The following PARP8 variants were observed in gnomAD, a reference collection of about 807,000 sequenced individuals.
PARP8 encodes the protein poly(ADP-ribose) polymerase family member 8.
A neutral mutation model predicts 124.1 loss-of-function variants in PARP8; 51 were observed. The observed-to-expected ratio is 0.41, with a 90% CI of 0.33 to 0.52. The LOEUF (loss-of-function observed/expected upper bound fraction) is 0.52. Ranked by LOEUF, PARP8 falls within the 20% of genes least tolerant of loss-of-function variation. PARP8 has a pLI of 0.21. For missense variants in PARP8, 860 were observed against 1,018.9 expected (o/e 0.84, Z 2.12); for synonymous variants, 391 against 361.5 (o/e 1.08, Z -0.93).
chr5:50,770,724 CGAA>C (rs1481614155), intron 7 of PARP8, among the ~76,000 whole-genome samples: 1 of 149,994 alleles, frequency 6.7e-6, no homozygotes, highest in East Asian at 1.9e-4. Context: ...AGAAAGAAAA[CGAA>C]GGAAAGAAAG....
chr5:50,683,064 A>G (rs1751469355), intron 2 of PARP8, among the ~76,000 whole-genome samples: 2 of 152,162 alleles, frequency 1.3e-5, no homozygotes, highest in African/African-American at 4.8e-5. Flanking sequence ...ATGGTAGAGT[A>G]CAGATTAGCA....
intron 15 of PARP8, among the ~76,000 whole-genome samples, chr5:50,816,888 C>T (rs1342598322): frequency 2.7e-5 from 4 of 150,774 alleles, no homozygotes; most frequent in Non-Finnish European, 5.9e-5. Context: ...AATAATATTG[C>T]TAAAAGGAAA....
intron 23 of PARP8, among the ~76,000 whole-genome samples, chr5:50,833,138 A>G (rs1747172478): frequency 6.6e-6 from 1 of 152,172 alleles, no homozygotes; most frequent in Non-Finnish European, 1.5e-5. Flanking sequence ...TGGAGCCTAC[A>G]TCCTACTGAG....
chr5:50,751,299 C>G (rs1406475192), intron 3 of PARP8, among the ~76,000 whole-genome samples: 1 of 152,014 alleles, frequency 6.6e-6, no homozygotes, highest in Non-Finnish European at 1.5e-5. Flanking sequence ...CCTGGAAATG[C>G]CAATATACAA....
chr5:50,745,224 C>T (rs1317632443), intron 2 of PARP8, among the ~76,000 whole-genome samples: 4 of 152,214 alleles, frequency 2.6e-5, no homozygotes, highest in South Asian at 2.1e-4. Context: ...GAGGACAATA[C>T]GACCATAAAA....
At chr5:50,694,999 T>C (rs1387800235) in intron 2 of PARP8, among the ~76,000 whole-genome samples, 1 of 152,184 alleles carries the variant, frequency 6.6e-6, no homozygotes, top group Non-Finnish European at 1.5e-5. Context: ...GTCGGCTTTG[T>C]TCTAGCCGTG....
intron 2 of PARP8, chr5:50,738,925 A>G (rs1188764834): frequency 1.4e-6 from 1 of 699,570 alleles, no homozygotes; most frequent in African/African-American, 1.7e-5. Context: ...AGTTTACATC[A>G]GGGCTCTGCC....
intron 3 of PARP8, 82 bp downstream of exon 3, chr5:50,750,270 A>G: frequency 1.7e-6 from 2 of 1,166,250 alleles, no homozygotes; most frequent in Non-Finnish European, 2.5e-6. Flanking sequence ...TAAAACGCAT[A>G]TAAATATATT....
intron 3 of PARP8, among the ~76,000 whole-genome samples, chr5:50,758,878 T>C (rs1760244312): frequency 6.6e-6 from 1 of 152,186 alleles, no homozygotes; most frequent in Non-Finnish European, 1.5e-5. Flanking sequence ...AAATAGTGAA[T>C]AAGAAATTTA....
chr5:50,700,053 T>C (rs1753431615), intron 2 of PARP8, among the ~76,000 whole-genome samples: 1 of 152,144 alleles, frequency 6.6e-6, no homozygotes, highest in African/African-American at 2.4e-5. Flanking sequence ...AAAGTCCAAA[T>C]ATTAGGCATT....
In PARP8 at chr5:50,756,130, G is replaced by T. The variant is rs1029184328; in HGVS notation, c.185-3513G>T. The stretch of plus-strand genomic sequence containing the variant: ...TATACAACCATGTCATCTGCAAACA[G>T]GGACAATTTGACTTCCTCTTTTGCT... On this transcript the variant is annotated intron_variant, in intron 3 of 25. Transcript: ENST00000281631. Among the ~76,000 whole-genome samples the T allele has an allele frequency of 2.6e-5, 4 of 152,114 alleles. No individual in the cohort carries two copies. The East Asian group carries it at 5.8e-4, about 22-fold the overall frequency.
intron 2 of PARP8, among the ~76,000 whole-genome samples, chr5:50,692,848 T>C (rs1161791656): frequency 3.3e-5 from 5 of 152,164 alleles, no homozygotes; most frequent in Non-Finnish European, 7.4e-5. Flanking sequence ...AAAACAATTA[T>C]TTATGTATAA....
At chr5:50,765,693 T>A (rs573446808) in intron 7 of PARP8, among the ~76,000 whole-genome samples, 1 of 152,324 alleles carries the variant, frequency 6.6e-6, no homozygotes, top group African/African-American at 2.4e-5. Flanking sequence ...AAAATAAATA[T>A]CTTCCTAGAG....
chr5:50,669,680 A>G (rs1749777632), intron 2 of PARP8, among the ~76,000 whole-genome samples: 2 of 152,218 alleles, frequency 1.3e-5, no homozygotes. Flanking sequence ...GAGGTGGAAA[A>G]GGGAGCAAGG....
rs557049041 is a variant in PARP8, at chr5:50,744,635, C to A, written c.147-5516C>A. On this transcript the variant is annotated intron_variant, in intron 2 of 25. Transcript: ENST00000281631. ...CTGTTCATATAATATATACCAAACACATATTTGACTGACCTGAGTTTCTGG... is the reference window on the plus strand; with the variant it reads ...CTGTTCATATAATATATACCAAACAAATATTTGACTGACCTGAGTTTCTGG... 8 of 672,566 alleles carry A rather than the reference C, an allele frequency of 1.2e-5. No individual in the cohort carries two copies. In the African/African-American group the frequency reaches 1.3e-4, roughly 11 times the overall value. 41.7% of individuals were successfully genotyped at this position (672,566 alleles called of 1,614,324 possible).
intron 14 of PARP8, among the ~76,000 whole-genome samples, chr5:50,803,527 A>G (rs1458239927): frequency 4.6e-5 from 7 of 151,404 alleles, no homozygotes; most frequent in Admixed American, 4.6e-4. Flanking sequence ...TCATTTTATT[A>G]TTCTTCCTCT....
rs137894115 is a variant in PARP8 at position 50,832,845 on chromosome 5, T to C, written c.2298T>C (p.Asn766=). 3.3e-4 allele frequency: 526 copies of C among 1,613,242 alleles called. 2 individuals are homozygous for C. The African/African-American group carries it at 6.7e-3, about 21-fold the overall frequency. The change falls in exon 23 of 26, where the codon AAT becomes AAC. Residue 766 remains asparagine, a synonymous_variant. Transcript: ENST00000281631. ...DEPASSSKSS[N]TSQSQKKGQQ... ...CAGCTTCAAGCAGTAAAAGCAGCAA[T>C]ACATCACAGGTGTTGTAGTGACTTT...
At position 50,745,886 on chromosome 5, in the gene PARP8, T is replaced by C. The variant is rs373615064; in HGVS notation, c.147-4265T>C. Reference sequence around the variant, plus strand: ...AATTCATATGGGGTCATAGTGTACATTTCCCCCCAGCTTGTTTTGGGGCAC... The same window carrying C: ...AATTCATATGGGGTCATAGTGTACACTTCCCCCCAGCTTGTTTTGGGGCAC... On this transcript the variant is annotated intron_variant, in intron 2 of 25. Transcript: ENST00000281631. Among the ~76,000 whole-genome samples, 3 of 152,288 alleles carry C rather than the reference T, an allele frequency of 2.0e-5. No homozygotes were observed. In the East Asian group the frequency reaches 5.8e-4, roughly 29 times the overall value.
intron 14 of PARP8, among the ~76,000 whole-genome samples, chr5:50,798,462 C>T (rs1246314051): frequency 2.0e-5 from 3 of 151,096 alleles, no homozygotes; most frequent in South Asian, 2.1e-4. Flanking sequence ...GCTCTGTCAC[C>T]CAGGCTGGAG....
Sources: allele counts gnomAD v4.1 joint callset (sites outside exome capture counted in the v4.1 genomes callset), GRCh38; gene constraint gnomAD v4.1.1; transcripts MANE v1.5; gene names NCBI Gene and HGNC (gene_info 2026-07-23, HGNC 2026-07-21).